Variants in NPAS3 observed in about 807,000 individuals in gnomAD.
NPAS3 encodes neuronal PAS domain protein 3, also known as neuronal PAS domain-containing protein 3.
NPAS3 carries 14 observed loss-of-function variants against 73.1 expected under a neutral mutation model. The ratio of observed to expected loss-of-function variants is 0.19; its 90% CI spans 0.13 to 0.30. The LOEUF is 0.30. Among genes scored for constraint, NPAS3 ranks in the 10% least tolerant of loss-of-function variants. The pLI, the probability that NPAS3 is intolerant of heterozygous loss-of-function variation, is 1.00. For missense variants in NPAS3, 1,096 were observed against 1,250.0 expected (o/e 0.88, Z 1.86); for synonymous variants, 620 against 541.5 (o/e 1.14, Z -2.01).
intron 4 of NPAS3, among the ~76,000 whole-genome samples, chr14:33,375,810 G>A (rs552627770): frequency 5.9e-5 from 9 of 152,168 alleles, no homozygotes; most frequent in African/African-American, 1.9e-4. Flanking sequence ...TGAATGAATC[G>A]TAAGTTTGGG....
At chr14:33,382,007 A>G (rs2046575526) in intron 4 of NPAS3, among the ~76,000 whole-genome samples, 1 of 152,112 alleles carries the variant, frequency 6.6e-6, no homozygotes, top group Admixed American at 6.6e-5. Flanking sequence ...GGGGAAAATC[A>G]TTTGGGGCCA....
At chr14:33,343,570 C>T (rs1029086326) in intron 3 of NPAS3, among the ~76,000 whole-genome samples, 3 of 152,148 alleles carry the variant, frequency 2.0e-5, no homozygotes, top group Admixed American at 1.3e-4. Flanking sequence ...CAAGGGATAT[C>T]TCAAACCTGG....
intron 4 of NPAS3, among the ~76,000 whole-genome samples, chr14:33,369,154 G>A (rs1315128): frequency 0.24 from 37,011 of 151,902 alleles, 4,725 homozygotes; most frequent in Middle Eastern, 0.32. Flanking sequence ...GAGAACACAG[G>A]ATCTAGAATG....
intron 3 of NPAS3, among the ~76,000 whole-genome samples, chr14:33,340,407 A>G (rs2044418839): frequency 6.6e-6 from 1 of 152,174 alleles, no homozygotes; most frequent in Admixed American, 6.5e-5. Context: ...AAGCAGGAGA[A>G]TCTCTTGAAC....
chr14:33,138,769 C>G (rs557045768), intron 2 of NPAS3, among the ~76,000 whole-genome samples: 1 of 152,276 alleles, frequency 6.6e-6, no homozygotes, highest in African/African-American at 2.4e-5. Flanking sequence ...ATATGAAATT[C>G]TGCAGTTAGA....
At chr14:33,534,349 A>G (rs1306263683) in intron 4 of NPAS3, among the ~76,000 whole-genome samples, 1 of 152,092 alleles carries the variant, frequency 6.6e-6, no homozygotes, top group African/African-American at 2.4e-5. Context: ...TGATTTGTAT[A>G]CTCTCTTGGA....
In NPAS3 at chr14:33,612,394, A is replaced by G. The variant is rs1462170966; in HGVS notation, c.558+52184A>G. ...CGCCCTGAAACCTGTTGTCTTTTCTACCCTCCACAGGCACAGACACTGTGT... is the reference window on the plus strand; with the variant it reads ...CGCCCTGAAACCTGTTGTCTTTTCTGCCCTCCACAGGCACAGACACTGTGT... On this transcript the variant is annotated intron_variant, in intron 5 of 11. Transcript: ENST00000356141. 4 of 455,542 alleles carry G rather than the reference A, an allele frequency of 8.8e-6. No homozygotes were observed. The East Asian group carries it at 2.8e-4, about 32-fold the overall frequency. The allele number at this position is 455,542 out of a possible 1,614,324, so 28.2% of individuals were successfully genotyped here.
chr14:33,306,178 T>G lies in NPAS3; in HGVS notation c.386-61008T>G, dbSNP rs575607101. ...CAGCAACACATGAAAATTAATATTCTTAATATTTGACAAAAACTCCAGGTT... is the reference window on the plus strand; with the variant it reads ...CAGCAACACATGAAAATTAATATTCGTAATATTTGACAAAAACTCCAGGTT... On this transcript the variant is annotated intron_variant, in intron 3 of 11. Coordinates refer to ENST00000356141, the Ensembl canonical transcript of NPAS3. Among the ~76,000 whole-genome samples, 32 of 149,476 alleles carry G rather than the reference T, an allele frequency of 2.1e-4. 1 individual carries two copies. In the South Asian group the frequency reaches 4.8e-3, roughly 23 times the overall value.
intron 1 of NPAS3, among the ~76,000 whole-genome samples, chr14:33,031,212 A>AT (rs918045585): frequency 6.6e-6 from 1 of 152,236 alleles, no homozygotes; most frequent in African/African-American, 2.4e-5. Flanking sequence ...GTACCTTGCT[A>AT]TGATAATACC....
chr14:33,201,926 G>A (rs117300733), intron 2 of NPAS3, among the ~76,000 whole-genome samples: 3,815 of 152,134 alleles, frequency 0.025, 60 homozygotes, highest in Middle Eastern at 0.075. Flanking sequence ...TTCAAAATCC[G>A]GAAATTCAGT....
rs1022611818 is a variant in NPAS3 at position 33,723,724 on chromosome 14, A to G, written c.734-11490A>G. Among the ~76,000 whole-genome samples, 8 of 150,604 alleles carry G rather than the reference A, an allele frequency of 5.3e-5. No homozygotes were observed. The East Asian group carries it at 1.2e-3, about 22-fold the overall frequency. ...TTCAATACTTCCTCTCAAAAAAAAA[A>G]AAAAGAAAAGAAAAGAAAAAAGAAA... On this transcript the variant is annotated intron_variant, in intron 6 of 11. Coordinates refer to ENST00000356141, the Ensembl canonical transcript of NPAS3.
At chr14:33,222,367 G>A (rs1306560597) in intron 3 of NPAS3, among the ~76,000 whole-genome samples, 1 of 152,188 alleles carries the variant, frequency 6.6e-6, no homozygotes, top group Non-Finnish European at 1.5e-5. Context: ...GTCTCCTTCA[G>A]TTCAAAGTAT....
At chr14:33,069,206 G>T (rs559641103) in intron 2 of NPAS3, among the ~76,000 whole-genome samples, 2 of 152,164 alleles carry the variant, frequency 1.3e-5, no homozygotes, top group Non-Finnish European at 2.9e-5. Flanking sequence ...AAATACTAAT[G>T]TATCATTGAC....
intron 1 of NPAS3, among the ~76,000 whole-genome samples, chr14:32,968,313 G>GT (rs1200919625): frequency 5.3e-5 from 8 of 152,196 alleles, no homozygotes; most frequent in Non-Finnish European, 1.0e-4. Context: ...TAACTAATGT[G>GT]TGTATATATT....
chr14:33,124,796 A>G (rs934806376), intron 2 of NPAS3, among the ~76,000 whole-genome samples: 7 of 152,122 alleles, frequency 4.6e-5, no homozygotes, highest in Admixed American at 4.6e-4. Context: ...AATAAGAAAG[A>G]TGTTTAAACA....
At chr14:33,554,536 AT>A (rs934375763) in intron 4 of NPAS3, among the ~76,000 whole-genome samples, 2 of 152,222 alleles carry the variant, frequency 1.3e-5, no homozygotes, top group African/African-American at 4.8e-5. Flanking sequence ...GGTGGAACAG[AT>A]GGTGAAGGCT....
chr14:33,099,539 A>G (rs1027570186), intron 2 of NPAS3, among the ~76,000 whole-genome samples: 20 of 152,192 alleles, frequency 1.3e-4, no homozygotes, highest in Non-Finnish European at 2.2e-4. Context: ...GAGTTTGAAC[A>G]TGCTTTGTAT....
intron 2 of NPAS3, among the ~76,000 whole-genome samples, chr14:33,192,748 G>T (rs1341525686): frequency 1.3e-5 from 2 of 152,178 alleles, no homozygotes; most frequent in Non-Finnish European, 2.9e-5. Flanking sequence ...TAGAGAAATT[G>T]AATTAATTGC....
At chr14:33,780,284 T>G (rs897210815) in intron 9 of NPAS3, among the ~76,000 whole-genome samples, 1 of 152,138 alleles carries the variant, frequency 6.6e-6, no homozygotes, top group Non-Finnish European at 1.5e-5. Flanking sequence ...GGCTCTTCAA[T>G]TAATTGGGGA....
Sources: gnomAD v4.1 joint callset for allele counts (sites outside exome capture counted in the v4.1 genomes callset) on GRCh38, gnomAD v4.1.1 for gene constraint, MANE v1.5 for transcripts, NCBI Gene and HGNC (gene_info 2026-07-23, HGNC 2026-07-21) for gene names.